The following CCDC171 variants were observed in gnomAD, a reference collection of about 807,000 sequenced individuals.
CCDC171 encodes the protein coiled-coil domain containing 171.
In CCDC171, 177 loss-of-function variants were observed where a neutral mutation model predicts 168.2. That is an observed-to-expected ratio of 1.05 (90% CI 0.93 to 1.19). CCDC171 has a LOEUF of 1.19. CCDC171 is among the 50% of genes most tolerant of loss of function. CCDC171 has a pLI of 0.00. For missense variants in CCDC171, 1,991 were observed against 1,539.0 expected, an observed-to-expected ratio of 1.29 and a Z score of -4.91; for synonymous variants, 687 against 540.8, an observed-to-expected ratio of 1.27 and a Z score of -3.75.
chr9:15,668,403 T>A lies in CCDC171; in HGVS notation c.1076+2080T>A, dbSNP rs1052373644. Among the ~76,000 whole-genome samples, 19 of 152,334 alleles carry A rather than the reference T, an allele frequency of 1.2e-4. 1 individual carries two copies. Among genetic ancestry groups the A allele is most frequent in the Middle Eastern group, 6.8e-3 (2 of 294 alleles). On this transcript the variant is annotated intron_variant, in intron 9 of 25. Coordinates refer to ENST00000380701, the MANE Select transcript of CCDC171 (RefSeq NM_173550.4). Reference sequence around the variant, plus strand: ...TTGTATTTTGGTACTTGAAAATTTTTACTCAAATTTAGTATTCCAGTAAGC... The same window carrying A: ...TTGTATTTTGGTACTTGAAAATTTTAACTCAAATTTAGTATTCCAGTAAGC...
At chr9:16,018,618 G>A (rs1004908432) in intron 3 of CCDC171, among the ~76,000 whole-genome samples, 46 of 152,184 alleles carry the variant, frequency 3.0e-4, no homozygotes, top group African/African-American at 1.1e-3. Context: ...ACCTACTAGG[G>A]CCGCTGTGTT....
intron 25 of CCDC171, among the ~76,000 whole-genome samples, chr9:15,936,996 G>A (rs1827194179): frequency 6.6e-6 from 1 of 152,018 alleles, no homozygotes; most frequent in African/African-American, 2.4e-5. Context: ...ACATTAAAGG[G>A]ATAGTTAACT....
Position 15,972,019 on chromosome 9 carries a change from TC to T in CCDC171, c.*184del, listed in dbSNP as rs1250533519. The T allele has an allele frequency of 3.8e-6, 2 of 531,276 alleles. No individual in the cohort carries two copies. Among genetic ancestry groups the T allele is most frequent in the African/African-American group, 3.8e-5 (2 of 52,008 alleles). 32.9% of individuals were successfully genotyped at this position (531,276 alleles called of 1,614,324 possible). A position where few individuals can be genotyped will look rare whatever the true frequency, so the allele number is the denominator to read the frequency against. Reference sequence around the variant, plus strand: ...TGAATAAGGAAATAGCCAACTTTTTTCTCTCCAAGTTTTATTTGTTATCACA... The same window carrying T: ...TGAATAAGGAAATAGCCAACTTTTTTTCTCCAAGTTTTATTTGTTATCACA... On this transcript the variant is annotated 3_prime_UTR_variant, in exon 26 of 26. Coordinates refer to ENST00000380701, the MANE Select transcript of CCDC171 (RefSeq NM_173550.4).
intron 7 of CCDC171, among the ~76,000 whole-genome samples, chr9:15,637,185 G>C (rs2046264570): frequency 6.6e-6 from 1 of 152,116 alleles, no homozygotes; most frequent in Non-Finnish European, 1.5e-5. Context: ...GAACCTGGGA[G>C]GTGGAGGCTG....
At chr9:15,708,450 C>T (rs1390248094) in intron 11 of CCDC171, among the ~76,000 whole-genome samples, 3 of 152,174 alleles carry the variant, frequency 2.0e-5, no homozygotes, top group Non-Finnish European at 4.4e-5. Context: ...ACGGTATCCT[C>T]CCTCTTTTGG....
intron 3 of CCDC171, among the ~76,000 whole-genome samples, chr9:15,996,551 C>T (rs2132933361): frequency 6.6e-6 from 1 of 151,048 alleles, no homozygotes; most frequent in African/African-American, 2.4e-5. Flanking sequence ...CATGTCGGCA[C>T]TCAAAATGTT....
intron 11 of CCDC171, among the ~76,000 whole-genome samples, chr9:15,711,568 T>G (rs749395722): frequency 3.9e-5 from 6 of 152,168 alleles, no homozygotes; most frequent in Non-Finnish European, 7.4e-5. Flanking sequence ...GAAGATCAAG[T>G]GTGCATTATA....
At chr9:15,990,338 G>A (rs572253568) in intron 3 of CCDC171, among the ~76,000 whole-genome samples, 397 of 152,208 alleles carry the variant, frequency 2.6e-3, no homozygotes, top group South Asian at 0.018. Context: ...CTTCATAAGC[G>A]AAGGAGAAAT....
intron 6 of CCDC171, among the ~76,000 whole-genome samples, chr9:15,604,357 G>T (rs750540055): frequency 7.2e-5 from 11 of 152,184 alleles, no homozygotes; most frequent in Non-Finnish European, 1.2e-4. Flanking sequence ...GGGACAGGCA[G>T]TGATAAAGCT....
intron 21 of CCDC171, among the ~76,000 whole-genome samples, chr9:15,832,507 C>T (rs1270536491): frequency 1.3e-5 from 2 of 152,176 alleles, no homozygotes; most frequent in Admixed American, 6.5e-5. Flanking sequence ...TGTTACTATA[C>T]TGAATGCTGT....
At chr9:15,589,010 G>A (rs1422321067) in intron 4 of CCDC171, among the ~76,000 whole-genome samples, 2 of 151,416 alleles carry the variant, frequency 1.3e-5, no homozygotes, top group Non-Finnish European at 3.0e-5. Flanking sequence ...GCACCCAGCC[G>A]TGTTTTTTTT....
At chr9:15,563,875 A>G (rs976967477) in intron 1 of CCDC171, 103 bp from the exon 2 acceptor site, 4 of 507,288 alleles carry the variant, frequency 7.9e-6, no homozygotes, top group East Asian at 7.3e-5. Context: ...CTACAATTTC[A>G]CTTATCAATT....
chr9:15,952,757 G>T (rs1358645266), intron 25 of CCDC171, among the ~76,000 whole-genome samples: 3 of 152,102 alleles, frequency 2.0e-5, no homozygotes, highest in African/African-American at 7.2e-5. Flanking sequence ...CATCGACTCT[G>T]TAGATTGCCT....
rs555111130 is a variant in CCDC171 at position 15,646,061 on chromosome 9, C to G, written c.823-11066C>G. Among the ~76,000 whole-genome samples, 44 of 152,326 alleles carry G rather than the reference C, an allele frequency of 2.9e-4. No homozygotes were observed. In the Middle Eastern group the frequency reaches 0.01, roughly 35 times the overall value. ...AACAGTGGATCTCTCAGCAGAAACT[C>G]TACAAGCCAGAAGAGAGTGGGGGCC... is the stretch of plus-strand genomic sequence containing the variant. On this transcript the variant is annotated intron_variant, in intron 7 of 25. Coordinates refer to ENST00000380701, the MANE Select transcript of CCDC171 (RefSeq NM_173550.4).
At chr9:15,794,587 A>G (rs1018200360) in intron 21 of CCDC171, among the ~76,000 whole-genome samples, 1 of 151,498 alleles carries the variant, frequency 6.6e-6, no homozygotes, top group Non-Finnish European at 1.5e-5. Context: ...TGGCATCTTG[A>G]ATTATATCAG....
chr9:15,639,341 G>T (rs76984780), intron 7 of CCDC171, among the ~76,000 whole-genome samples: 1 of 151,868 alleles, frequency 6.6e-6, no homozygotes, highest in Non-Finnish European at 1.5e-5. Flanking sequence ...TTTAAGATTG[G>T]AACTTCAGTT....
rs1031051739 is a variant in CCDC171, at chr9:15,564,012, T to C, written c.-77T>C. The C allele has an allele frequency of 8.6e-7, 1 of 1,158,882 alleles. No homozygotes were observed. Among genetic ancestry groups the C allele is most frequent in the South Asian group, 1.3e-5 (1 of 77,336 alleles). 71.8% of individuals were successfully genotyped at this position (1,158,882 alleles called of 1,614,324 possible). A position where few individuals can be genotyped will look rare whatever the true frequency, so the allele number is the denominator to read the frequency against. ...CATCTAACGTGAAGCCACAGACATC[T>C]TGGGCAATTTTAATCATCAAGAAAG... is the stretch of plus-strand genomic sequence containing the variant. On this transcript the variant is annotated 5_prime_UTR_variant, in exon 2 of 26. Coordinates refer to ENST00000380701, the MANE Select transcript of CCDC171 (RefSeq NM_173550.4).
At chr9:15,663,612 T>C (rs1374301456) in intron 8 of CCDC171, among the ~76,000 whole-genome samples, 1 of 149,894 alleles carries the variant, frequency 6.7e-6, no homozygotes, top group African/African-American at 2.4e-5. Context: ...TTTTTTCTTT[T>C]TTTTTTTTTT....
At chr9:16,064,673 C>T (rs188062939), downstream of CCDC171, among the ~76,000 whole-genome samples, 8 of 152,240 alleles carry the variant, frequency 5.3e-5, no homozygotes, top group East Asian at 5.8e-4. Flanking sequence ...TTTCCTGGGG[C>T]GCTACCTGAT....
Sources: gnomAD v4.1 joint callset for allele counts (sites outside exome capture counted in the v4.1 genomes callset) on GRCh38, gnomAD v4.1.1 for gene constraint, MANE v1.5 for transcripts, NCBI Gene and HGNC (gene_info 2026-07-23, HGNC 2026-07-21) for gene names.